NRXN2: variants seen among roughly 807,000 people sequenced by gnomAD.
The protein encoded by NRXN2 is neurexin-2-beta.
NRXN2 carries 29 observed loss-of-function variants against 128.8 expected under a neutral mutation model. That is an observed-to-expected ratio of 0.23 (90% confidence interval 0.17 to 0.31). The LOEUF is 0.31. NRXN2 is among the 10% of genes least tolerant of loss of function. NRXN2 has a pLI of 1.00. For missense variants in NRXN2, 1,881 were observed against 2,452.6 expected, an observed-to-expected ratio of 0.77 and a Z score of 4.92; for synonymous variants, 1,098 against 1,075.2, an observed-to-expected ratio of 1.02 and a Z score of -0.41.
In NRXN2 at chr11:64,684,930, G is replaced by A. The variant is rs570796927; in HGVS notation, c.1152+716C>T. 7.9e-5 allele frequency among the ~76,000 whole-genome samples: 12 copies of A among 152,292 alleles called. No homozygotes were observed. The South Asian group carries it at 2.3e-3, about 29-fold the overall frequency. On this transcript the variant is annotated intron_variant, in intron 6 of 22. Transcript: ENST00000265459. ...TGCGTGGGCTTGCCCAGGAGCCAAG[G>A]GGAGGCAGAAAGCAAGCCATGGATG...
intron 2 of NRXN2, among the ~76,000 whole-genome samples, chr11:64,703,466 C>T (rs2055785180): frequency 6.6e-6 from 1 of 152,176 alleles, no homozygotes; most frequent in Non-Finnish European, 1.5e-5. Context: ...TAGTGACAGT[C>T]AAAATTTGAA....
intron 2 of NRXN2, among the ~76,000 whole-genome samples, chr11:64,700,683 A>T (rs985280200): frequency 2.0e-5 from 3 of 151,984 alleles, no homozygotes; most frequent in African/African-American, 7.3e-5. Flanking sequence ...CAGTCTCCCT[A>T]CCCATCCCCA....
chr11:64,668,503 G>A lies in NRXN2; in HGVS notation c.1299C>T (p.Pro433=). The part of the protein sequence containing the change: ...SDDFFYIGGS[P]NTADLPGSPV... ...GCGAGCCCGGCAGGTCAGCTGTGTTGGGGCTGCCCCCAATGTAGAAGAAGT... is the reference window on the plus strand; with the variant it reads ...GCGAGCCCGGCAGGTCAGCTGTGTTAGGGCTGCCCCCAATGTAGAAGAAGT... Residue 433 remains proline (P), a synonymous_variant, in exon 8 of 23, where the codon CCC becomes CCT. Coordinates refer to ENST00000265459, the MANE Select transcript of NRXN2 (RefSeq NM_015080.4). 2 of 1,614,096 alleles carry A rather than the reference G, an allele frequency of 1.2e-6. No individual in the cohort carries two copies. Among genetic ancestry groups the A allele is most frequent in the Non-Finnish European group, 1.7e-6 (2 of 1,180,032 alleles).
chr11:64,669,051 T>C (rs1404278674), intron 7 of NRXN2, among the ~76,000 whole-genome samples: 8 of 152,176 alleles, frequency 5.3e-5, no homozygotes, highest in Non-Finnish European at 1.5e-5. Flanking sequence ...TTCAAAAGTG[T>C]GCCAGAGAAT....
rs1280777171 is a variant in NRXN2, at chr11:64,635,189, G to A, written c.3585+82C>T. 5 of 1,492,052 alleles carry A rather than the reference G, an allele frequency of 3.4e-6. No homozygotes were observed. The highest frequency in any genetic ancestry group is 2.8e-5 in the African/African-American group (2 of 72,542). The allele number at this position is 1,492,052 out of a possible 1,614,324, so 92.4% of individuals were successfully genotyped here. On this transcript the variant is annotated intron_variant, in intron 18 of 22. Coordinates refer to ENST00000265459, the MANE Select transcript of NRXN2 (RefSeq NM_015080.4). This position sits in a 1 kb window ranked among gnomAD's most constrained non-coding sequence, Gnocchi z 4.8. ...TTCCCCATGAGGGAAGACTTGAGGTGCTGATCCCATGGCAATGAGGGGCTG... is the reference window on the plus strand; with the variant it reads ...TTCCCCATGAGGGAAGACTTGAGGTACTGATCCCATGGCAATGAGGGGCTG...
intron 1 of NRXN2, among the ~76,000 whole-genome samples, chr11:64,721,349 G>C (rs972832025): frequency 6.6e-6 from 1 of 151,898 alleles, no homozygotes; most frequent in African/African-American, 2.4e-5. Flanking sequence ...ATTCAGCCCA[G>C]GCCTGGGCTG....
At chr11:64,664,725 C>T (rs2049543144) in intron 9 of NRXN2, among the ~76,000 whole-genome samples, 2 of 152,192 alleles carry the variant, frequency 1.3e-5, no homozygotes, top group Non-Finnish European at 2.9e-5. Context: ...GGCGCCGTGG[C>T]TCACGCCTGT....
chr11:64,608,837 C>T (rs977482363), intron 22 of NRXN2, among the ~76,000 whole-genome samples: 1 of 152,026 alleles, frequency 6.6e-6, no homozygotes, highest in African/African-American at 2.4e-5. Context: ...GTGGTTTCCA[C>T]CACTTGGTGT....
intron 17 of NRXN2, chr11:64,642,731 G>A (rs1285577414): frequency 1.4e-6 from 2 of 1,434,452 alleles, no homozygotes; most frequent in Non-Finnish European, 1.8e-6. Context: ...GGCGGTGGAG[G>A]CGGCGGCAGG....
rs1419159728 is a variant in NRXN2 at position 64,648,755 on chromosome 11, G to C, written c.3262C>G (p.Gln1088Glu). 6.2e-7 allele frequency: 1 copy of C among 1,613,994 alleles called. No homozygotes were observed. Residue 1088 changes from glutamine to glutamate, a missense_variant, in exon 16 of 23, where the codon CAG (glutamine) becomes GAG (glutamate). Physicochemically the swap from Gln to Glu is conservative, Grantham distance 29 (BLOSUM62 2). Transcript: ENST00000265459. This position sits in a 1 kb window ranked among gnomAD's most constrained non-coding sequence, Gnocchi z 4.1. ...TCACCATCACAGCCCCTCTCCACCT[G>C]CCCAATGCGGTGCAGGGCGTCGGCG... ...LIADALHRIGQVERGCDGPST... is the reference protein window; with the variant it reads ...LIADALHRIGEVERGCDGPST...
Position 64,685,716 on chromosome 11 carries a change from A to G in NRXN2, c.1082T>C (p.Val361Ala), listed in dbSNP as rs1365191459. The G allele has an allele frequency of 6.2e-7, 1 of 1,614,214 alleles. No individual in the cohort carries two copies. Residue 361 changes from valine to alanine, a missense_variant, in exon 6 of 23, where the codon GTG (valine) becomes GCG (alanine). Physicochemically the swap from Val to Ala is moderately conservative, Grantham distance 64 (BLOSUM62 0). This residue lies in a region of NRXN2 where 997 missense variants were observed against 1,240.8 expected (regional missense o/e 0.80). Transcript: ENST00000265459. The stretch of plus-strand genomic sequence containing the variant: ...GTTGAACTTGCCATTGACGGGTTCC[A>G]CAAGGGCCTCGAAGGCACCTGAGCC... ...NLGSGAFEAL[V>A]EPVNGKFNDN...
At chr11:64,711,909 C>T (rs2056934132) in intron 2 of NRXN2, among the ~76,000 whole-genome samples, 4 of 152,212 alleles carry the variant, frequency 2.6e-5, no homozygotes, top group Admixed American at 2.6e-4. Flanking sequence ...CTGGCCACAG[C>T]CTCGCAATCC....
At chr11:64,662,552 C>A (rs1028446833) in intron 9 of NRXN2, among the ~76,000 whole-genome samples, 1 of 152,108 alleles carries the variant, frequency 6.6e-6, no homozygotes, top group East Asian at 1.9e-4. Flanking sequence ...GAGGCCGAGG[C>A]GGGTGGATCA....
At chr11:64,704,629 G>C (rs200979406) in intron 2 of NRXN2, among the ~76,000 whole-genome samples, 4,708 of 98,162 alleles carry the variant, frequency 0.048, 67 homozygotes, top group African/African-American at 0.077. Flanking sequence ...CACACAGAGA[G>C]AGAGAGAGAG....
chr11:64,651,472 T>C lies in NRXN2; in HGVS notation c.2701A>G (p.Ile901Val). The change falls in exon 14 of 23, where the codon ATC becomes GTC. Residue 901 changes from isoleucine (I) to valine (V), a missense_variant. Ile to Val is a conservative substitution (Grantham distance 29). This residue lies in a region of NRXN2 where 390 missense variants were observed against 599.6 expected (regional missense o/e 0.65). Coordinates refer to ENST00000265459, the MANE Select transcript of NRXN2 (RefSeq NM_015080.4). The surrounding 1 kb of genome is among the most constrained non-coding windows in gnomAD (Gnocchi z 5.9). ...PYMDQCKDGD[I>V]TYCELNARFG... ...CGAGCATTGAGCTCACAGTAGGTGA[T>C]GTCACCATCCTTGCACTGGTCCATG... is the stretch of plus-strand genomic sequence containing the variant. 6.2e-7 allele frequency: 1 copy of C among 1,614,126 alleles called. No individual in the cohort carries two copies.
chr11:64,712,909 G>A, intron 2 of NRXN2, 61 bp downstream of exon 2: 1 of 1,423,850 alleles, frequency 7.0e-7, no homozygotes, highest in Non-Finnish European at 9.4e-7. Context: ...CGACCCCCAC[G>A]AAGCGCCCCA....
chr11:64,617,419 G>A (rs2041708899), intron 22 of NRXN2, among the ~76,000 whole-genome samples: 1 of 152,198 alleles, frequency 6.6e-6, no homozygotes, highest in African/African-American at 2.4e-5. Flanking sequence ...AACTATGAGT[G>A]GGTACATTAC....
At chr11:64,677,948 T>C (rs982443438) in intron 6 of NRXN2, among the ~76,000 whole-genome samples, 1 of 152,120 alleles carries the variant, frequency 6.6e-6, no homozygotes, top group African/African-American at 2.4e-5. Flanking sequence ...ATCAAAGGAC[T>C]GGCAAGAATG....
rs752957429 is a variant in NRXN2, at chr11:64,622,710, CA to C, written c.4173+42del. On this transcript the variant is annotated intron_variant, in intron 21 of 22. Coordinates refer to ENST00000265459, the MANE Select transcript of NRXN2 (RefSeq NM_015080.4). The surrounding 1 kb of genome is among the most constrained non-coding windows in gnomAD (Gnocchi z 4.3). ...GCTATGCAGATATCAACCCCATCCC[CA>C]CCTATCCCTGCCCTAATCCACCAGC... The C allele has an allele frequency of 6.3e-7, 1 of 1,585,854 alleles. No homozygotes were observed. The highest frequency in any genetic ancestry group is 1.7e-5 in the Admixed American group (1 of 59,592).
Sources: allele counts gnomAD v4.1 joint callset (sites outside exome capture counted in the v4.1 genomes callset), GRCh38; gene constraint gnomAD v4.1.1; regional missense constraint gnomAD v4.1.1; non-coding constraint Gnocchi (gnomAD v3.1); transcripts MANE v1.5; gene names NCBI Gene and HGNC (gene_info 2026-07-23, HGNC 2026-07-21).